The following GFRA1 variants were observed in gnomAD, a reference collection of about 807,000 sequenced individuals.
GFRA1 encodes GDNF family receptor alpha 1.
GFRA1 carries 16 observed loss-of-function variants against 51.6 expected under a neutral mutation model. That is an observed-to-expected ratio of 0.31 (90% CI 0.21 to 0.47). The LOEUF is 0.47. Ranked by LOEUF, GFRA1 falls within the 20% of genes least tolerant of loss-of-function variation. GFRA1 has a pLI of 1.00. For missense variants in GFRA1, 530 were observed against 594.3 expected (o/e 0.89, Z 1.13); for synonymous variants, 270 against 241.3 (o/e 1.12, Z -1.10).
At chr10:116,144,836 G>A (rs4751952) in intron 5 of GFRA1, among the ~76,000 whole-genome samples, 146,369 of 152,234 alleles carry the variant, frequency 0.96, 70,418 homozygotes, top group East Asian at 1. Flanking sequence ...AGAAAAGACT[G>A]ATAAATTAAT....
intron 6 of GFRA1, among the ~76,000 whole-genome samples, chr10:116,112,819 C>G (rs1387191105): frequency 1.3e-5 from 2 of 152,206 alleles, no homozygotes; most frequent in Non-Finnish European, 2.9e-5. Context: ...CCTGGAGGGG[C>G]TCCAGCGCTT....
At chr10:116,126,837 C>T (rs577333075) in intron 5 of GFRA1, among the ~76,000 whole-genome samples, 60 of 152,212 alleles carry the variant, frequency 3.9e-4, no homozygotes, top group African/African-American at 1.3e-3. Context: ...AGGCACAGTT[C>T]GGTTAGGTAG....
chr10:116,241,748 T>C (rs747214233), intron 4 of GFRA1, among the ~76,000 whole-genome samples: 2 of 152,212 alleles, frequency 1.3e-5, no homozygotes, highest in Non-Finnish European at 1.5e-5. Flanking sequence ...TGGGCTGCAA[T>C]GGCTGGACTA....
In GFRA1 at chr10:116,078,105, A is replaced by G. The variant is rs540245683; in HGVS notation, c.1197+11636T>C. On this transcript the variant is annotated intron_variant, in intron 9 of 10. Transcript: ENST00000355422. ...GCCTGGCCCCCAAGATTAAATTCCTATTTTTTGTACCAGTTAGTTATACCC... is the reference window on the plus strand; with the variant it reads ...GCCTGGCCCCCAAGATTAAATTCCTGTTTTTTGTACCAGTTAGTTATACCC... Among the ~76,000 whole-genome samples the G allele has an allele frequency of 4.8e-4, 73 of 152,102 alleles. 1 individual carries two copies. In the South Asian group the frequency reaches 0.015, roughly 32 times the overall value.
chr10:116,271,063 T>C lies in GFRA1; in HGVS notation c.93A>G (p.Lys31=). Reference sequence around the variant, plus strand: ...GCTCCTTCAGGCACTGATCACTGGCTTTCACGCAATCCAGGCGGTCTCCGC... The same window carrying C: ...GCTCCTTCAGGCACTGATCACTGGCCTTCACGCAATCCAGGCGGTCTCCGC... ...VSGGDRLDCV[K]ASDQCLKEQS... The change falls in exon 3 of 11, where the codon AAA becomes AAG. Residue 31 remains lysine (K), a synonymous_variant. Coordinates refer to ENST00000355422, the MANE Select transcript of GFRA1 (RefSeq NM_005264.8). 6.2e-7 allele frequency: 1 copy of C among 1,612,850 alleles called. No individual in the cohort carries two copies. Among genetic ancestry groups the C allele is most frequent in the Non-Finnish European group, 8.5e-7 (1 of 1,178,940 alleles).
chr10:116,212,125 T>C (rs138681058), intron 4 of GFRA1, among the ~76,000 whole-genome samples: 13 of 152,300 alleles, frequency 8.5e-5, no homozygotes, highest in Non-Finnish European at 1.8e-4. Context: ...ACAAGCATGG[T>C]CAAAGTGTGT....
intron 5 of GFRA1, among the ~76,000 whole-genome samples, chr10:116,146,850 G>A (rs1438167737): frequency 6.6e-6 from 1 of 152,078 alleles, no homozygotes; most frequent in African/African-American, 2.4e-5. Flanking sequence ...TCTCACTTTT[G>A]CAAATTTTAC....
chr10:116,094,734 G>T (rs1377336537), intron 7 of GFRA1, among the ~76,000 whole-genome samples: 1 of 152,166 alleles, frequency 6.6e-6, no homozygotes, highest in Admixed American at 6.5e-5. Context: ...TCTGAGTCAA[G>T]GGCATACTGT....
intron 6 of GFRA1, among the ~76,000 whole-genome samples, chr10:116,121,651 T>C (rs1957651031): frequency 6.6e-6 from 1 of 152,326 alleles, no homozygotes; most frequent in African/African-American, 2.4e-5. Flanking sequence ...TGATGGTTGC[T>C]GATGTTAAGA....
At chr10:116,273,310 A>AC (rs1844091798), upstream of GFRA1, 1 of 151,744 alleles carries the variant, frequency 6.6e-6, no homozygotes, top group South Asian at 2.1e-4. Context: ...AAAGAAAAAA[A>AC]AATAGATGCG....
Position 116,271,106 on chromosome 10 carries a change from A to G in GFRA1, c.50T>C (p.Leu17Pro). The change falls in exon 3 of 11, where the codon CTG becomes CCG. Residue 17 changes from leucine to proline, a missense_variant. Transcript: ENST00000355422. ...YFALPLLDLL[L>P]SAEVSGGDRL... Reference sequence around the variant, plus strand: ...GTCTCCGCCGCTCACTTCGGCCGACAGGAGCAAGTCTGCGGGGCAGAGGGG... The same window carrying G: ...GTCTCCGCCGCTCACTTCGGCCGACGGGAGCAAGTCTGCGGGGCAGAGGGG... 4 of 1,604,160 alleles carry G rather than the reference A, an allele frequency of 2.5e-6. No homozygotes were observed. Among genetic ancestry groups the G allele is most frequent in the Non-Finnish European group, 2.6e-6 (3 of 1,172,564 alleles).
chr10:116,069,843 C>T (rs564526041), intron 9 of GFRA1, among the ~76,000 whole-genome samples: 1 of 152,302 alleles, frequency 6.6e-6, no homozygotes, highest in African/African-American at 2.4e-5. Flanking sequence ...GCAGGCTCTC[C>T]CCAAGCTCTG....
chr10:116,126,845 T>C (rs1957898807), intron 5 of GFRA1, among the ~76,000 whole-genome samples: 1 of 152,164 alleles, frequency 6.6e-6, no homozygotes. Flanking sequence ...TTCGGTTAGG[T>C]AGGACTGAAA....
intron 5 of GFRA1, among the ~76,000 whole-genome samples, chr10:116,199,202 A>G (rs539983334): frequency 3.3e-5 from 5 of 152,258 alleles, no homozygotes; most frequent in Admixed American, 6.5e-5. Context: ...GTAATCCTTT[A>G]TTATAGCATC....
intron 5 of GFRA1, among the ~76,000 whole-genome samples, chr10:116,199,299 C>T (rs76576507): frequency 0.065 from 9,875 of 152,218 alleles, 1,028 homozygotes; most frequent in African/African-American, 0.22. Flanking sequence ...TCACCTGACG[C>T]GCTGCAGCCG....
chr10:116,074,292 G>T (rs942541359), intron 9 of GFRA1, among the ~76,000 whole-genome samples: 2 of 152,148 alleles, frequency 1.3e-5, no homozygotes, highest in African/African-American at 4.8e-5. Context: ...CTCCATGCTA[G>T]ACAGGCTGTC....
intron 5 of GFRA1, among the ~76,000 whole-genome samples, chr10:116,165,687 A>ACACACACACACACT (rs1278796028): frequency 6.6e-6 from 1 of 150,558 alleles, no homozygotes; most frequent in African/African-American, 2.4e-5. Flanking sequence ...ACACACACAC[A>ACACACACACACACT]CTCACAAGAG....
intron 6 of GFRA1, among the ~76,000 whole-genome samples, chr10:116,113,047 T>C (rs937320375): frequency 6.6e-5 from 10 of 152,166 alleles, no homozygotes; most frequent in African/African-American, 2.4e-5. Flanking sequence ...GGGAACCTCG[T>C]AGGGGGTCAG....
chr10:116,118,365 T>A (rs551254164), intron 6 of GFRA1, among the ~76,000 whole-genome samples: 3 of 152,200 alleles, frequency 2.0e-5, no homozygotes, highest in African/African-American at 7.2e-5. Flanking sequence ...AAACCTTTGA[T>A]GGATAAAATC....
Sources: allele counts gnomAD v4.1 joint callset (sites outside exome capture counted in the v4.1 genomes callset), GRCh38; gene constraint gnomAD v4.1.1; transcripts MANE v1.5; gene names NCBI Gene and HGNC (gene_info 2026-07-23, HGNC 2026-07-21).